The following FGF18 variants were observed in gnomAD, a reference collection of about 807,000 sequenced individuals.
FGF18 encodes the protein fibroblast growth factor 18.
In FGF18, 5 loss-of-function variants were observed where a neutral mutation model predicts 23.0. The ratio of observed to expected loss-of-function variants is 0.22; its 90% CI spans 0.11 to 0.46. The LOEUF (loss-of-function observed/expected upper bound fraction) is 0.46. FGF18 is among the 20% of genes least tolerant of loss of function. The probability of loss-of-function intolerance (pLI) is 0.99; values close to 1 mark genes in which losing one functional copy is unlikely to be tolerated. For missense variants in FGF18, 180 were observed against 291.6 expected, an observed-to-expected ratio of 0.62 and a Z score of 2.79; for synonymous variants, 117 against 118.9, an observed-to-expected ratio of 0.98 and a Z score of 0.10.
chr5:171,445,040 G>T (rs1385059843), intron 3 of FGF18, among the ~76,000 whole-genome samples: 3 of 152,126 alleles, frequency 2.0e-5, no homozygotes, highest in Non-Finnish European at 4.4e-5. Context: ...GGAGGGTGCT[G>T]CCAGCATTAG....
intron 4 of FGF18, among the ~76,000 whole-genome samples, chr5:171,454,603 G>A (rs898987609): frequency 3.3e-5 from 5 of 152,136 alleles, no homozygotes; most frequent in African/African-American, 1.2e-4. Flanking sequence ...GTCCCTTTCT[G>A]CAAAGTTCAG....
chr5:171,431,734 T>G (rs961015678), intron 2 of FGF18, among the ~76,000 whole-genome samples: 1 of 152,124 alleles, frequency 6.6e-6, no homozygotes, highest in Non-Finnish European at 1.5e-5. Flanking sequence ...GTAGAAGACT[T>G]CCTTTATGCA....
intron 3 of FGF18, among the ~76,000 whole-genome samples, chr5:171,439,460 C>T (rs1361662688): frequency 6.6e-6 from 1 of 152,182 alleles, no homozygotes; most frequent in Non-Finnish European, 1.5e-5. Flanking sequence ...GCACCCTGCC[C>T]ACCTGGGATA....
rs1772326554 is a variant in FGF18 at position 171,440,559 on chromosome 5, A to G, written c.250+4286A>G. Reference sequence around the variant, plus strand: ...TCGTCCCAGCCATCAAAGAGCCTTCAGTCTAGGGCCCCCATTCCTTACTAG... The same window carrying G: ...TCGTCCCAGCCATCAAAGAGCCTTCGGTCTAGGGCCCCCATTCCTTACTAG... On this transcript the variant is annotated intron_variant, in intron 3 of 4. Transcript: ENST00000274625. The surrounding 1 kb of genome is among the most constrained non-coding windows in gnomAD (Gnocchi z 4.0). Among the ~76,000 whole-genome samples, 1 of 152,118 alleles carries G rather than the reference A, an allele frequency of 6.6e-6. No homozygotes were observed. Among genetic ancestry groups the G allele is most frequent in the Admixed American group, 6.6e-5 (1 of 15,266 alleles).
At position 171,457,005 on chromosome 5, in the gene FGF18, A is replaced by G; in HGVS notation, c.*200A>G. ...TATTGTTGACTTGAAACCCCCGATG[A>G]CAAAAGACTCACGCAAAGGGACTGT... is the stretch of plus-strand genomic sequence containing the variant. On this transcript the variant is annotated 3_prime_UTR_variant, in exon 5 of 5. Transcript: ENST00000274625. 3 of 660,742 alleles carry G rather than the reference A, an allele frequency of 4.5e-6. 1 individual carries two copies. The South Asian group carries it at 6.1e-5, about 13-fold the overall frequency. 40.9% of individuals were successfully genotyped at this position (660,742 alleles called of 1,614,324 possible).
chr5:171,432,449 C>T (rs1772194615), intron 2 of FGF18, among the ~76,000 whole-genome samples: 1 of 152,076 alleles, frequency 6.6e-6, no homozygotes, highest in Admixed American at 6.6e-5. Flanking sequence ...CACTCTATCA[C>T]CCAGGCTGGA....
intron 2 of FGF18, among the ~76,000 whole-genome samples, chr5:171,422,657 T>C (rs1772032694): frequency 6.6e-6 from 1 of 152,106 alleles, no homozygotes; most frequent in East Asian, 1.9e-4. Flanking sequence ...ATGGTTGAAA[T>C]GAGGGGTAGG....
At chr5:171,424,284 C>T (rs1274641292) in intron 2 of FGF18, among the ~76,000 whole-genome samples, 1 of 152,218 alleles carries the variant, frequency 6.6e-6, no homozygotes, top group African/African-American at 2.4e-5. Context: ...GAGGCAGGCA[C>T]ATACATCTTC....
At chr5:171,449,326 C>T (rs2113360818) in intron 4 of FGF18, 73 bp downstream of exon 4, 1 of 965,248 alleles carries the variant, frequency 1.0e-6, no homozygotes, top group East Asian at 2.5e-5. Flanking sequence ...AACAATGTGT[C>T]CAGGGCACTG....
intron 3 of FGF18, among the ~76,000 whole-genome samples, chr5:171,437,942 C>A (rs961205518): frequency 1.3e-5 from 2 of 152,176 alleles, no homozygotes; most frequent in African/African-American, 4.8e-5. Context: ...GCCCCTCACC[C>A]CAGAAGTCAC....
intron 2 of FGF18, among the ~76,000 whole-genome samples, chr5:171,420,986 G>T (rs1232578271): frequency 1.3e-5 from 2 of 152,206 alleles, no homozygotes; most frequent in African/African-American, 4.8e-5. Context: ...AGGCCGAGTG[G>T]CCGCTGCCCG....
chr5:171,447,878 GGCTAGGA>G (rs541930012), intron 3 of FGF18, among the ~76,000 whole-genome samples: 4 of 152,250 alleles, frequency 2.6e-5, no homozygotes, highest in African/African-American at 7.2e-5. Context: ...GAGGGGCAGG[GGCTAGGA>G]AGCAAGGGGT....
At chr5:171,439,138 G>C (rs1454061296) in intron 3 of FGF18, among the ~76,000 whole-genome samples, 1 of 152,210 alleles carries the variant, frequency 6.6e-6, no homozygotes, top group Non-Finnish European at 1.5e-5. Context: ...CTGGCTCTGT[G>C]GGTGGGCACG....
At position 171,434,687 on chromosome 5, in the gene FGF18, G is replaced by A. The variant is rs1184528299; in HGVS notation, c.70-1406G>A. On this transcript the variant is annotated intron_variant, in intron 2 of 4. Coordinates refer to ENST00000274625, the MANE Select transcript of FGF18 (RefSeq NM_003862.3). This position sits in a 1 kb window ranked among gnomAD's most constrained non-coding sequence, Gnocchi z 4.6. Reference sequence around the variant, plus strand: ...CCCTGCTCCAATGGTAAATGGCACAGCAGGACTCCAGGTCTTTTCAACATT... The same window carrying A: ...CCCTGCTCCAATGGTAAATGGCACAACAGGACTCCAGGTCTTTTCAACATT... Among the ~76,000 whole-genome samples the A allele has an allele frequency of 6.6e-6, 1 of 152,196 alleles. No individual in the cohort carries two copies. The highest frequency in any genetic ancestry group is 1.5e-5 in the Non-Finnish European group (1 of 68,038).
At position 171,436,251 on chromosome 5, in the gene FGF18, C is replaced by T. The variant is rs760722261; in HGVS notation, c.228C>T (p.Arg76=). 6.4e-5 allele frequency: 102 copies of T among 1,592,600 alleles called. No homozygotes were observed. The highest frequency in any genetic ancestry group is 8.0e-5 in the Non-Finnish European group (94 of 1,168,250). ...TCCTGGGCCGCAGGATCAGTGCCCG[C>T]GGCGAGGATGGGGACAAGTATGGTA... The part of the protein sequence containing the change: ...IQVLGRRISA[R]GEDGDKYAQL... Residue 76 remains arginine, a synonymous_variant, in exon 3 of 5, where the codon CGC becomes CGT. Transcript: ENST00000274625. The surrounding 1 kb of genome is among the most constrained non-coding windows in gnomAD (Gnocchi z 4.4).
At chr5:171,431,116 GGCT>G (rs1772176622) in intron 2 of FGF18, among the ~76,000 whole-genome samples, 2 of 152,146 alleles carry the variant, frequency 1.3e-5, no homozygotes, top group Non-Finnish European at 2.9e-5. Flanking sequence ...GGGCTGGAGA[GGCT>G]AAAATCTTCA....
At chr5:171,442,525 G>A (rs1772361545) in intron 3 of FGF18, among the ~76,000 whole-genome samples, 1 of 152,196 alleles carries the variant, frequency 6.6e-6, no homozygotes, top group African/African-American at 2.4e-5. Flanking sequence ...CCCTCGCAGG[G>A]CCCCAGATCG....
At chr5:171,452,798 T>G (rs1772535717) in intron 4 of FGF18, among the ~76,000 whole-genome samples, 1 of 152,152 alleles carries the variant, frequency 6.6e-6, no homozygotes, top group South Asian at 2.1e-4. Context: ...TAAGATGGCT[T>G]TGGTTGCAAA....
At chr5:171,452,729 CAT>C (rs1772534695) in intron 4 of FGF18, among the ~76,000 whole-genome samples, 3 of 152,188 alleles carry the variant, frequency 2.0e-5, no homozygotes. Context: ...TTTGGGGCAA[CAT>C]AGAGCCACAG....
Sources: allele counts gnomAD v4.1 joint callset (sites outside exome capture counted in the v4.1 genomes callset), GRCh38; gene constraint gnomAD v4.1.1; non-coding constraint Gnocchi (gnomAD v3.1); transcripts MANE v1.5; gene names NCBI Gene and HGNC (gene_info 2026-07-23, HGNC 2026-07-21).